CDH13: variants seen among roughly 807,000 people sequenced by gnomAD.
The protein encoded by CDH13 is cadherin 13, also known as cadherin-13.
Under a neutral mutation model 63.8 loss-of-function variants are expected in CDH13, and 24 were observed. The ratio of observed to expected loss-of-function variants is 0.38; its 90% CI spans 0.27 to 0.53. CDH13 has a LOEUF of 0.53. Among genes scored for constraint, CDH13 ranks in the 20% least tolerant of loss-of-function variants. CDH13 has a pLI of 0.85. For synonymous variants in CDH13, 503 were observed against 355.3 expected, an observed-to-expected ratio of 1.42 and a Z score of -4.67; for missense variants, 1,049 against 903.1, an observed-to-expected ratio of 1.16 and a Z score of -2.07.
chr16:83,359,392 C>A (rs938018921), intron 6 of CDH13, among the ~76,000 whole-genome samples: 1 of 152,168 alleles, frequency 6.6e-6, no homozygotes, highest in African/African-American at 2.4e-5. Context: ...CAAAATGCCA[C>A]GTGGGTCACA....
intron 11 of CDH13, among the ~76,000 whole-genome samples, chr16:83,771,339 C>T (rs192010192): frequency 3.9e-5 from 6 of 152,284 alleles, no homozygotes; most frequent in Admixed American, 1.3e-4. Context: ...TATCACTGCT[C>T]AACTTGAAGA....
At chr16:83,155,236 C>G (rs1300522981) in intron 4 of CDH13, among the ~76,000 whole-genome samples, 3 of 152,196 alleles carry the variant, frequency 2.0e-5, no homozygotes, top group African/African-American at 7.2e-5. Flanking sequence ...GGAGAGACAT[C>G]TCAAGTGTAG....
At chr16:82,841,555 C>T (rs537827369) in intron 1 of CDH13, among the ~76,000 whole-genome samples, 1 of 152,290 alleles carries the variant, frequency 6.6e-6, no homozygotes, top group African/African-American at 2.4e-5. Flanking sequence ...AACACACAGC[C>T]ATGGTTAAGG....
chr16:82,932,191 A>G (rs1225340143), intron 2 of CDH13, among the ~76,000 whole-genome samples: 4 of 152,180 alleles, frequency 2.6e-5, no homozygotes, highest in Non-Finnish European at 5.9e-5. Flanking sequence ...AAATCATTTT[A>G]AAGATTGTTG....
chr16:82,644,881 G>T lies in CDH13; in HGVS notation c.45+17744G>T, dbSNP rs538054615. Reference sequence around the variant, plus strand: ...GTTCTGAAGAGATACTGGTTCCATGGGAGGTTAATATGGGTTCTGGGGAAA... The same window carrying T: ...GTTCTGAAGAGATACTGGTTCCATGTGAGGTTAATATGGGTTCTGGGGAAA... On this transcript the variant is annotated intron_variant, in intron 1 of 13. Coordinates refer to ENST00000567109, the MANE Select transcript of CDH13 (RefSeq NM_001257.5). This position sits in a 1 kb window ranked among gnomAD's most constrained non-coding sequence, Gnocchi z 5.7. Among the ~76,000 whole-genome samples, 1 of 152,140 alleles carries T rather than the reference G, an allele frequency of 6.6e-6. No homozygotes were observed. Among genetic ancestry groups the T allele is most frequent in the East Asian group, 1.9e-4 (1 of 5,196 alleles).
intron 4 of CDH13, among the ~76,000 whole-genome samples, chr16:83,169,231 C>T (rs1036054856): frequency 2.0e-5 from 3 of 151,338 alleles, no homozygotes; most frequent in South Asian, 4.2e-4. Flanking sequence ...GGCTGGAGTG[C>T]AGTGGCGGGA....
intron 4 of CDH13, among the ~76,000 whole-genome samples, chr16:83,157,666 G>A (rs1323422950): frequency 4.0e-5 from 6 of 151,442 alleles, no homozygotes; most frequent in East Asian, 1.9e-4. Context: ...AGGCCGAGGC[G>A]GGCAGATCAC....
chr16:83,783,612 A>T, intron 13 of CDH13, 140 bp downstream of exon 13: 1 of 746,968 alleles, frequency 1.3e-6, no homozygotes, highest in Non-Finnish European at 2.3e-6. Flanking sequence ...TGTCTGTATG[A>T]TAGAACATGT....
At chr16:83,360,974 A>G (rs1425473159) in intron 6 of CDH13, among the ~76,000 whole-genome samples, 1 of 152,206 alleles carries the variant, frequency 6.6e-6, no homozygotes, top group Non-Finnish European at 1.5e-5. Flanking sequence ...ATACCCAGGA[A>G]TGAGATTGCT....
intron 11 of CDH13, among the ~76,000 whole-genome samples, chr16:83,779,752 G>T (rs550147598): frequency 2.0e-5 from 3 of 152,226 alleles, no homozygotes; most frequent in African/African-American, 7.2e-5. Context: ...CAGCTACTTG[G>T]GATACTGAGG....
intron 1 of CDH13, among the ~76,000 whole-genome samples, chr16:82,643,720 A>C (rs1909709392): frequency 6.6e-6 from 1 of 152,164 alleles, no homozygotes; most frequent in Non-Finnish European, 1.5e-5. Flanking sequence ...GCTCTCAGAG[A>C]CTGAAGAAAA....
At position 83,248,894 on chromosome 16, in the gene CDH13, T is replaced by A. The variant is rs117704771; in HGVS notation, c.636+31397T>A. Among the ~76,000 whole-genome samples the A allele has an allele frequency of 1.5e-3, 230 of 152,328 alleles. 1 individual carries two copies. Among genetic ancestry groups the A allele is most frequent in the Non-Finnish European group, 1.5e-3 (99 of 68,038 alleles). On this transcript the variant is annotated intron_variant, in intron 5 of 13. Transcript: ENST00000567109. ...CATCCTCAAATGTGATGTGATGTGA[T>A]CTTCCCCTTGGTGCATATCCAAACT...
intron 6 of CDH13, among the ~76,000 whole-genome samples, chr16:83,461,308 G>A (rs747819027): frequency 6.6e-6 from 1 of 151,928 alleles, no homozygotes; most frequent in Non-Finnish European, 1.5e-5. Flanking sequence ...CATTTATCAG[G>A]CATGAATCTT....
rs146273702 is a variant in CDH13 at position 83,047,200 on chromosome 16, A to G, written c.366+14982A>G. On this transcript the variant is annotated intron_variant, in intron 3 of 13. Transcript: ENST00000567109. The surrounding 1 kb of genome is among the most constrained non-coding windows in gnomAD (Gnocchi z 4.9). ...TATAAGCAGACTTTATCTGAAGACC[A>G]CCTCCTGCCCCTCACTCTTACTCCA... Among the ~76,000 whole-genome samples, 2,233 of 152,132 alleles carry G rather than the reference A, an allele frequency of 0.015. 54 individuals carry two copies. Among genetic ancestry groups the G allele is most frequent in the African/African-American group, 0.051 (2,115 of 41,488 alleles).
At chr16:82,714,975 T>C (rs1372002147) in intron 1 of CDH13, among the ~76,000 whole-genome samples, 2 of 131,414 alleles carry the variant, frequency 1.5e-5, no homozygotes, top group African/African-American at 5.5e-5. Flanking sequence ...CACCAGCCAG[T>C]GTGTGATACT....
chr16:83,482,026 C>A (rs922356182), intron 6 of CDH13, among the ~76,000 whole-genome samples: 1 of 152,174 alleles, frequency 6.6e-6, no homozygotes, highest in Non-Finnish European at 1.5e-5. Flanking sequence ...CTGGGCATAG[C>A]ATTGGTATGT....
intron 11 of CDH13, among the ~76,000 whole-genome samples, chr16:83,755,667 C>T (rs1913447939): frequency 6.6e-6 from 1 of 151,748 alleles, no homozygotes; most frequent in African/African-American, 2.4e-5. Flanking sequence ...TCTCTGAGCA[C>T]TTTAAAGATG....
chr16:82,890,151 G>C (rs1034384940), intron 2 of CDH13, among the ~76,000 whole-genome samples: 3 of 152,236 alleles, frequency 2.0e-5, no homozygotes, highest in Non-Finnish European at 2.9e-5. Flanking sequence ...GCAGTTGCTA[G>C]AGATTCCTTC....
intron 7 of CDH13, among the ~76,000 whole-genome samples, chr16:83,561,186 C>T (rs1286468377): frequency 6.6e-6 from 1 of 152,008 alleles, no homozygotes; most frequent in Non-Finnish European, 1.5e-5. Context: ...GTGGCTCACA[C>T]ATATAATCCC....
Sources: gnomAD v4.1 joint callset for allele counts (sites outside exome capture counted in the v4.1 genomes callset) on GRCh38, gnomAD v4.1.1 for gene constraint, Gnocchi (gnomAD v3.1) non-coding constraint, MANE v1.5 for transcripts, NCBI Gene and HGNC (gene_info 2026-07-23, HGNC 2026-07-21) for gene names.